The following UVSSA variants were observed in gnomAD, a reference collection of about 807,000 sequenced individuals.
UVSSA encodes UV stimulated scaffold protein A, also known as UV-stimulated scaffold protein A.
Under a neutral mutation model 73.9 loss-of-function variants are expected in UVSSA, and 72 were observed. The observed-to-expected ratio is 0.97, with a 90% CI of 0.81 to 1.19. The LOEUF (loss-of-function observed/expected upper bound fraction) is 1.19, where lower values mean the gene tolerates loss of function less well. Among genes scored for constraint, UVSSA ranks in the 50% most tolerant of loss-of-function variants. The pLI, the probability that UVSSA is intolerant of heterozygous loss-of-function variation, is 0.00. For missense variants in UVSSA, 1,150 were observed against 965.0 expected, an observed-to-expected ratio of 1.19 and a Z score of -2.54; for synonymous variants, 454 against 391.3, an observed-to-expected ratio of 1.16 and a Z score of -1.89.
intron 13 of UVSSA, chr4:1,384,864 C>A (rs556778375): frequency 1.3e-5 from 2 of 152,420 alleles, no homozygotes; most frequent in Admixed American, 1.3e-4. Flanking sequence ...GACCAGGCTT[C>A]CCCCAGGCTT....
rs200802210 is a variant in UVSSA, at chr4:1,383,853, G to T, written c.1949G>T (p.Gly650Val). ...GSSRYSGKGR[G>V]KKRRYPSLTN... ...TCCAGGTACAGCGGGAAAGGCAGGG[G>T]GAAGAAGAGGAGGTACCCCAGCCTC... The change falls in exon 13 of 14, where the codon GGG becomes GTG. Residue 650 changes from glycine (G) to valine (V), a missense_variant. Gly to Val is a moderately radical substitution (Grantham distance 109, BLOSUM62 -3). Coordinates refer to ENST00000389851, the MANE Select transcript of UVSSA (RefSeq NM_020894.4). 3 of 1,613,668 alleles carry T rather than the reference G, an allele frequency of 1.9e-6. No individual in the cohort carries two copies. The highest frequency in any genetic ancestry group is 2.7e-5 in the African/African-American group (2 of 75,048).
chr4:1,343,417 G>C (rs541385903), upstream of UVSSA, among the ~76,000 whole-genome samples: 1 of 152,056 alleles, frequency 6.6e-6, no homozygotes, highest in Non-Finnish European at 1.5e-5. Flanking sequence ...CTTCGACATA[G>C]GAATTTGGTA....
At chr4:1,383,559 C>T (rs898813070) in intron 12 of UVSSA, among the ~76,000 whole-genome samples, 2 of 152,132 alleles carry the variant, frequency 1.3e-5, no homozygotes, top group East Asian at 3.9e-4. Context: ...CCTGTGGGGG[C>T]CAGCATGCCC....
chr4:1,360,549 C>T (rs1338595422), intron 7 of UVSSA, among the ~76,000 whole-genome samples: 2 of 152,212 alleles, frequency 1.3e-5, no homozygotes, highest in African/African-American at 2.4e-5. Flanking sequence ...CTGACAAACC[C>T]GTGCTATGGC....
intron 8 of UVSSA, among the ~76,000 whole-genome samples, chr4:1,373,630 C>G (rs528751167): frequency 1.6e-4 from 24 of 152,324 alleles, no homozygotes; most frequent in Non-Finnish European, 1.0e-4. Context: ...CTCTGACTCT[C>G]AGTGAGCCTT....
chr4:1,353,924 T>G lies in UVSSA; in HGVS notation c.934+511T>G, dbSNP rs564364538. 5.4e-4 allele frequency among the ~76,000 whole-genome samples: 82 copies of G among 152,188 alleles called. 1 individual carries two copies. Among genetic ancestry groups the G allele is most frequent in the Admixed American group, 1.3e-3 (20 of 15,280 alleles). Reference sequence around the variant, plus strand: ...GCACTGCAGCCTGGGTGGGTGAGGATTGCAGAGACATAGCCGCCCCCGCCC... The same window carrying G: ...GCACTGCAGCCTGGGTGGGTGAGGAGTGCAGAGACATAGCCGCCCCCGCCC... On this transcript the variant is annotated intron_variant, in intron 5 of 13. Transcript: ENST00000389851.
intron 7 of UVSSA, among the ~76,000 whole-genome samples, chr4:1,363,116 G>A (rs1560453414): frequency 6.6e-6 from 1 of 151,642 alleles, no homozygotes; most frequent in Non-Finnish European, 1.5e-5. Context: ...GGTTTGAGGG[G>A]TACCACGGCC....
intron 4 of UVSSA, 27 bp from the exon 5 acceptor site, chr4:1,353,003 C>G (rs1276437983): frequency 6.3e-7 from 1 of 1,588,956 alleles, no homozygotes; most frequent in South Asian, 1.2e-5. Context: ...CATAGCGCAG[C>G]AAACAGGTGT....
At chr4:1,376,232 G>A in intron 10 of UVSSA, 64 bp downstream of exon 10, 5 of 1,517,076 alleles carry the variant, frequency 3.3e-6, no homozygotes, top group Admixed American at 2.0e-5. Flanking sequence ...TGAGGAGGGG[G>A]CTGCCGGCTC....
intron 7 of UVSSA, among the ~76,000 whole-genome samples, chr4:1,363,043 A>G (rs915116949): frequency 2.0e-5 from 3 of 152,212 alleles, no homozygotes; most frequent in African/African-American, 7.2e-5. Context: ...GAACCCTGAA[A>G]ACAGCAGCTT....
At chr4:1,355,006 G>A in intron 6 of UVSSA, 111 bp from the exon 7 acceptor site, 1 of 1,539,758 alleles carries the variant, frequency 6.5e-7, no homozygotes, top group Admixed American at 1.9e-5. Context: ...CTGCATCCCA[G>A]GTGTGCCAGG....
At position 1,355,229 on chromosome 4, in the gene UVSSA, G is replaced by A; in HGVS notation, c.1160G>A (p.Gly387Glu). Residue 387 changes from glycine (G) to glutamate (E), a missense_variant, in exon 7 of 14, where the codon GGA becomes GAA. By Grantham distance (98) the Gly-to-Glu change is moderately conservative (BLOSUM62 -2). Transcript: ENST00000389851. ...KYKELDIEPE[G>E]GERRRTEALG... ...AAGGAGCTGGACATCGAGCCTGAGG[G>A]AGGGGAAAGGCGCAGGGTGAGTGGG... 6.2e-7 allele frequency: 1 copy of A among 1,612,364 alleles called. No homozygotes were observed.
chr4:1,357,261 G>A (rs1244745629), intron 7 of UVSSA, among the ~76,000 whole-genome samples: 1 of 152,050 alleles, frequency 6.6e-6, no homozygotes, highest in Admixed American at 6.5e-5. Flanking sequence ...AGAGCAGAGG[G>A]GGGCTGATGG....
intron 13 of UVSSA, chr4:1,384,910 CA>C (rs970464156): frequency 1.3e-5 from 2 of 152,402 alleles, no homozygotes; most frequent in African/African-American, 4.8e-5. Flanking sequence ...TTGGGTGGGG[CA>C]GGGGCGCTGG....
intron 7 of UVSSA, among the ~76,000 whole-genome samples, chr4:1,357,568 C>CT (rs1319746152): frequency 1.3e-5 from 2 of 152,360 alleles, no homozygotes; most frequent in African/African-American, 4.8e-5. Flanking sequence ...AGTCAGGACT[C>CT]TAATTCAGCG....
At chr4:1,363,009 A>G (rs779006643) in intron 7 of UVSSA, among the ~76,000 whole-genome samples, 4 of 152,208 alleles carry the variant, frequency 2.6e-5, no homozygotes, top group African/African-American at 7.2e-5. Context: ...GGTTTCAGAC[A>G]TGAGAGTTTA....
Position 1,373,501 on chromosome 4 carries a change from A to G in UVSSA, c.1289-1863A>G, listed in dbSNP as rs576957447. Among the ~76,000 whole-genome samples, 12 of 152,320 alleles carry G rather than the reference A, an allele frequency of 7.9e-5. No individual in the cohort carries two copies. In the South Asian group the frequency reaches 1.2e-3, roughly 16 times the overall value. ...ACCCTCGCAGACACACCCAAGATCA[A>G]TACTTTGTATCCTTCAATCCAATCA... On this transcript the variant is annotated intron_variant, in intron 8 of 13. Coordinates refer to ENST00000389851, the MANE Select transcript of UVSSA (RefSeq NM_020894.4).
chr4:1,353,139 T>C lies in UVSSA; in HGVS notation c.660T>C (p.Ala220=). 1 of 1,613,040 alleles carries C rather than the reference T, an allele frequency of 6.2e-7. No individual in the cohort carries two copies. The highest frequency in any genetic ancestry group is 8.5e-7 in the Non-Finnish European group (1 of 1,180,012). The part of the protein sequence containing the change: ...PNPETESLGM[A]SGMSDALRSS... ...CGGAGACGGAATCCCTTGGCATGGC[T>C]TCTGGCATGTCCGATGCCCTTCGCT... Residue 220 remains alanine, a synonymous_variant, in exon 5 of 14, where the codon GCT becomes GCC. Coordinates refer to ENST00000389851, the MANE Select transcript of UVSSA (RefSeq NM_020894.4).
At chr4:1,363,848 C>T (rs887031507) in intron 7 of UVSSA, among the ~76,000 whole-genome samples, 9 of 152,376 alleles carry the variant, frequency 5.9e-5, no homozygotes, top group Non-Finnish European at 1.0e-4. Flanking sequence ...ACAAAAATTA[C>T]AGTTTCCAGT....
Sources: allele counts gnomAD v4.1 joint callset (sites outside exome capture counted in the v4.1 genomes callset), GRCh38; gene constraint gnomAD v4.1.1; transcripts MANE v1.5; gene names NCBI Gene and HGNC (gene_info 2026-07-23, HGNC 2026-07-21).